The following GRIA4 variants were observed in gnomAD, a reference collection of about 807,000 sequenced individuals.
GRIA4 encodes the protein glutamate receptor 4.
In GRIA4, 34 loss-of-function variants were observed where a neutral mutation model predicts 104.0. That is an observed-to-expected ratio of 0.33 (90% CI 0.25 to 0.44). The LOEUF (loss-of-function observed/expected upper bound fraction) is 0.44. Among genes scored for constraint, GRIA4 ranks in the 20% least tolerant of loss-of-function variants. GRIA4 has a pLI of 1.00. For missense variants in GRIA4, 750 were observed against 1,096.5 expected (o/e 0.68, Z 4.46); for synonymous variants, 386 against 381.9 (o/e 1.01, Z -0.13).
intron 3 of GRIA4, among the ~76,000 whole-genome samples, chr11:105,728,829 A>G (rs1393266479): frequency 6.6e-6 from 1 of 152,198 alleles, no homozygotes; most frequent in African/African-American, 2.4e-5. Flanking sequence ...AACATACCAA[A>G]ATCTCTGGGA....
At chr11:105,650,901 C>G (rs1423267966) in intron 3 of GRIA4, among the ~76,000 whole-genome samples, 1 of 152,130 alleles carries the variant, frequency 6.6e-6, no homozygotes, top group South Asian at 2.1e-4. Flanking sequence ...CTCTAACAGG[C>G]CCCTCTTCTA....
At chr11:105,863,809 T>C (rs1380667541) in intron 5 of GRIA4, among the ~76,000 whole-genome samples, 1 of 152,172 alleles carries the variant, frequency 6.6e-6, no homozygotes, top group Non-Finnish European at 1.5e-5. Flanking sequence ...AGACCAAGTC[T>C]GGAGGAGGCA....
At chr11:105,693,004 T>C (rs998044988) in intron 3 of GRIA4, among the ~76,000 whole-genome samples, 2 of 152,202 alleles carry the variant, frequency 1.3e-5, no homozygotes, top group African/African-American at 2.4e-5. Flanking sequence ...AAGAGCTTGA[T>C]CATATCTGCC....
chr11:105,895,252 C>CGTGTGT (rs59472131), intron 6 of GRIA4, among the ~76,000 whole-genome samples: 6,620 of 148,716 alleles, frequency 0.045, 243 homozygotes, highest in African/African-American at 0.088. Flanking sequence ...CGAGCTCATG[C>CGTGTGT]GTGTGTGTGT....
intron 3 of GRIA4, among the ~76,000 whole-genome samples, chr11:105,743,729 C>A (rs975950147): frequency 7.2e-5 from 11 of 152,144 alleles, no homozygotes; most frequent in African/African-American, 2.7e-4. Flanking sequence ...CCCATAGTAT[C>A]CAAGAAAAAT....
At chr11:105,751,436 T>C (rs1464581307) in intron 3 of GRIA4, among the ~76,000 whole-genome samples, 2 of 152,180 alleles carry the variant, frequency 1.3e-5, no homozygotes, top group East Asian at 1.9e-4. Flanking sequence ...AAACTTAAGA[T>C]GCCTGAAGCT....
chr11:105,974,147 A>G (rs1388032021), intron 15 of GRIA4, among the ~76,000 whole-genome samples, 163 bp from the exon 16 acceptor site: 1 of 152,220 alleles, frequency 6.6e-6, no homozygotes, highest in Admixed American at 6.5e-5. Context: ...GAGCTATAAG[A>G]TTTATGTTTA....
In GRIA4 at chr11:105,668,675, G is replaced by T. The variant is rs927335061; in HGVS notation, c.247+56241G>T. Among the ~76,000 whole-genome samples, 540 of 121,344 alleles carry T rather than the reference G, an allele frequency of 4.5e-3. 3 individuals carry two copies. Among genetic ancestry groups the T allele is most frequent in the Admixed American group, 7.4e-3 (75 of 10,154 alleles). The allele number at this position is 121,344 out of a possible 152,430, so 79.6% of individuals were successfully genotyped here. ...TCCTTGACAACACTTATTATCTTTT[G>T]TCTTTTTTTTTTTTTTTGAGATAGA... On this transcript the variant is annotated intron_variant, in intron 3 of 16. Transcript: ENST00000282499.
Position 105,634,533 on chromosome 11 carries a change from G to GAA in GRIA4, c.247+22101_247+22102dup, listed in dbSNP as rs1565420319. Among the ~76,000 whole-genome samples, 31 of 111,324 alleles carry GAA rather than the reference G, an allele frequency of 2.8e-4. 1 individual carries two copies. Among genetic ancestry groups the GAA allele is most frequent in the African/African-American group, 9.0e-4 (31 of 34,418 alleles). 73.0% of individuals were successfully genotyped at this position (111,324 alleles called of 152,430 possible). On this transcript the variant is annotated intron_variant, in intron 3 of 16. Coordinates refer to ENST00000282499, the MANE Select transcript of GRIA4 (RefSeq NM_000829.4). ...AGAAAGAAGAAAGAAAGAAAGAAAAGAAAGAAAAAGAAAAAGAAAAACTTG... is the reference window on the plus strand; with the variant it reads ...AGAAAGAAGAAAGAAAGAAAGAAAAGAAAAAGAAAAAGAAAAAGAAAAACTTG...
intron 4 of GRIA4, among the ~76,000 whole-genome samples, chr11:105,796,864 G>C (rs532512263): frequency 2.6e-5 from 4 of 152,052 alleles, no homozygotes; most frequent in Admixed American, 2.6e-4. Context: ...TTGTATTTTG[G>C]TAATGAGAAG....
chr11:105,912,164 C>T (rs1387259609), intron 10 of GRIA4: 1 of 1,018,390 alleles, frequency 9.8e-7, no homozygotes, highest in Non-Finnish European at 1.2e-6. Context: ...ATATCAATTC[C>T]CCTATCTTGA....
chr11:105,650,513 C>T (rs1017517844), intron 3 of GRIA4, among the ~76,000 whole-genome samples: 19 of 152,016 alleles, frequency 1.2e-4, no homozygotes, highest in African/African-American at 4.6e-4. Flanking sequence ...AAAAATGTTT[C>T]CATGATTGAA....
chr11:105,889,649 G>C (rs1946392296), intron 6 of GRIA4, among the ~76,000 whole-genome samples: 3 of 152,108 alleles, frequency 2.0e-5, no homozygotes, highest in Admixed American at 2.0e-4. Flanking sequence ...TCAGGAACAA[G>C]ATAAGAGTGT....
At chr11:105,637,669 G>T (rs937650163) in intron 3 of GRIA4, among the ~76,000 whole-genome samples, 2 of 152,156 alleles carry the variant, frequency 1.3e-5, no homozygotes, top group Admixed American at 1.3e-4. Flanking sequence ...TTAGGAGAGT[G>T]TCTCCTGCAT....
chr11:105,846,901 A>G (rs1204900424), intron 4 of GRIA4, among the ~76,000 whole-genome samples: 2 of 152,236 alleles, frequency 1.3e-5, no homozygotes, highest in Admixed American at 1.3e-4. Context: ...GAGTAACATT[A>G]CTGTATACCT....
intron 3 of GRIA4, among the ~76,000 whole-genome samples, chr11:105,668,540 T>C (rs1382746339): frequency 2.0e-5 from 3 of 151,294 alleles, no homozygotes; most frequent in Non-Finnish European, 1.5e-5. Context: ...GCTCATAGGG[T>C]AGTTCTATTT....
intron 3 of GRIA4, among the ~76,000 whole-genome samples, chr11:105,728,671 T>C (rs1219016835): frequency 2.6e-5 from 4 of 152,146 alleles, no homozygotes; most frequent in Admixed American, 1.3e-4. Context: ...TGCAGTGCAA[T>C]CAAATTAGAA....
chr11:105,732,221 T>A (rs940532020), intron 3 of GRIA4, among the ~76,000 whole-genome samples: 5 of 151,946 alleles, frequency 3.3e-5, no homozygotes, highest in African/African-American at 9.7e-5. Context: ...TCCAGGAGAG[T>A]GCAGTCTGCA....
chr11:105,779,922 T>G (rs1343434353), intron 4 of GRIA4, among the ~76,000 whole-genome samples: 2 of 152,200 alleles, frequency 1.3e-5, no homozygotes, highest in Admixed American at 1.3e-4. Flanking sequence ...ATGGTAGTTA[T>G]GTCAAAGCTA....
Sources: allele counts gnomAD v4.1 joint callset (sites outside exome capture counted in the v4.1 genomes callset), GRCh38; gene constraint gnomAD v4.1.1; transcripts MANE v1.5; gene names NCBI Gene and HGNC (gene_info 2026-07-23, HGNC 2026-07-21).